Variants in ZPBP observed in about 807,000 individuals in gnomAD.
ZPBP encodes the protein zona pellucida binding protein, also known as zona pellucida-binding protein 1.
Under a neutral mutation model 44.8 loss-of-function variants are expected in ZPBP, and 26 were observed. That is an observed-to-expected ratio of 0.58 (90% CI 0.43 to 0.81). The LOEUF (loss-of-function observed/expected upper bound fraction) is 0.81, where lower values mean the gene tolerates loss of function less well. ZPBP is among the 30% of genes least tolerant of loss of function. The pLI is 0.00. For synonymous variants in ZPBP, 174 were observed against 153.2 expected, an observed-to-expected ratio of 1.14 and a Z score of -1.00; for missense variants, 409 against 434.0, an observed-to-expected ratio of 0.94 and a Z score of 0.51.
intron 4 of ZPBP, among the ~76,000 whole-genome samples, chr7:50,041,547 G>T (rs1410348074): frequency 6.6e-6 from 1 of 152,172 alleles, no homozygotes; most frequent in East Asian, 1.9e-4. Context: ...GCAAACTCCA[G>T]CAGACCTGCA....
downstream of ZPBP, among the ~76,000 whole-genome samples, chr7:49,935,232 G>T (rs1434561294): frequency 6.6e-6 from 1 of 152,092 alleles, no homozygotes; most frequent in Non-Finnish European, 1.5e-5. Context: ...ATGAAGCTAG[G>T]AGTATCCTAG....
At chr7:49,890,555 A>T (rs1177235263) in intron 2 of ZPBP, among the ~76,000 whole-genome samples, 1 of 152,176 alleles carries the variant, frequency 6.6e-6, no homozygotes, top group Non-Finnish European at 1.5e-5. Flanking sequence ...TTTTATAGGG[A>T]TACTTAGGAT....
In ZPBP at chr7:50,057,859, A is replaced by C. The variant is rs148996451; in HGVS notation, c.487+130T>G. 77 of 801,016 alleles carry C rather than the reference A, an allele frequency of 9.6e-5. 2 individuals carry two copies. In the African/African-American group the frequency reaches 1.1e-3, roughly 11 times the overall value. 49.6% of individuals were successfully genotyped at this position (801,016 alleles called of 1,614,324 possible). ...CCCTTTACAAAGTACTTACATAGGG[A>C]GGCAGTAATTCTTTTTTAATTAAAT... On this transcript the variant is annotated intron_variant, in intron 4 of 7. Coordinates refer to ENST00000046087, the MANE Select transcript of ZPBP (RefSeq NM_007009.3).
At chr7:49,860,790 G>A (rs1790618065) in intron 2 of ZPBP, among the ~76,000 whole-genome samples, 1 of 152,118 alleles carries the variant, frequency 6.6e-6, no homozygotes, top group African/African-American at 2.4e-5. Context: ...AATCTAATAG[G>A]GTTGGTCTCC....
intron 2 of ZPBP, among the ~76,000 whole-genome samples, chr7:49,886,784 A>T (rs1376359332): frequency 6.6e-6 from 1 of 152,144 alleles, no homozygotes; most frequent in African/African-American, 2.4e-5. Flanking sequence ...ATTTGTATTT[A>T]TGTTCTTTGA....
intron 2 of ZPBP, among the ~76,000 whole-genome samples, chr7:49,888,446 T>C (rs1562754191): frequency 6.6e-6 from 1 of 152,170 alleles, no homozygotes; most frequent in South Asian, 2.1e-4. Flanking sequence ...ATTAGTAATA[T>C]TGATTTTTTT....
chr7:50,036,246 C>A (rs562185540), intron 4 of ZPBP, among the ~76,000 whole-genome samples: 1 of 152,126 alleles, frequency 6.6e-6, no homozygotes, highest in Non-Finnish European at 1.5e-5. Flanking sequence ...CTCCACCTCC[C>A]GGGTTCAAGC....
rs181764781 is a variant in ZPBP, at chr7:49,878,398, T to G, written n.509+22720A>C. Among the ~76,000 whole-genome samples the G allele has an allele frequency of 1.5e-3, 221 of 152,290 alleles. 1 individual carries two copies. The highest frequency in any genetic ancestry group is 6.8e-4 in the Non-Finnish European group (46 of 68,010). On this transcript the variant is annotated intron_variant and non_coding_transcript_variant, in intron 2 of 2. Transcript: ENST00000465922. ...TGTAGTATTTCCTTTAGTAAAGACC[T>G]GAGAGTGGTGAATTTTCTCAGTACT...
At chr7:50,064,785 G>A (rs901148543) in intron 3 of ZPBP, among the ~76,000 whole-genome samples, 1 of 152,044 alleles carries the variant, frequency 6.6e-6, no homozygotes, top group Non-Finnish European at 1.5e-5. Flanking sequence ...AAACACACAT[G>A]CTGTACAATT....
chr7:49,994,562 A>C (rs566435067), intron 6 of ZPBP, among the ~76,000 whole-genome samples: 19 of 152,330 alleles, frequency 1.2e-4, no homozygotes, highest in South Asian at 1.0e-3. Context: ...AGCTCAGGTC[A>C]CATGGTAACC....
chr7:49,866,937 C>A (rs964747507), intron 2 of ZPBP, among the ~76,000 whole-genome samples: 6 of 152,250 alleles, frequency 3.9e-5, no homozygotes, highest in African/African-American at 1.4e-4. Context: ...TCTGAGGACA[C>A]ACAGACCCAG....
chr7:49,955,890 A>G (rs182295503), intron 7 of ZPBP, among the ~76,000 whole-genome samples: 66 of 152,236 alleles, frequency 4.3e-4, no homozygotes, highest in African/African-American at 1.4e-3. Context: ...AAATAGACAA[A>G]CTCTTGAGGA....
At chr7:49,905,038 T>C (rs887521955) in intron 1 of ZPBP, among the ~76,000 whole-genome samples, 30 of 152,160 alleles carry the variant, frequency 2.0e-4, no homozygotes, top group African/African-American at 7.2e-4. Context: ...CAGGCCATCA[T>C]GTATTAATTC....
chr7:49,989,420 T>C (rs1012503922), intron 6 of ZPBP, among the ~76,000 whole-genome samples: 10 of 152,334 alleles, frequency 6.6e-5, no homozygotes, highest in Non-Finnish European at 1.2e-4. Flanking sequence ...CTATCTGAGA[T>C]TCCTTGTGGA....
chr7:49,856,541 T>C (rs77905121), intron 2 of ZPBP, among the ~76,000 whole-genome samples: 6,791 of 152,302 alleles, frequency 0.045, 149 homozygotes, highest in African/African-American at 0.055. Context: ...CAGCAGGATT[T>C]CCTTTTCCCC....
rs1165922459 is a variant in ZPBP at position 49,937,567 on chromosome 7, G to A, written c.1017C>T (p.Cys339=). The A allele has an allele frequency of 6.2e-7, 1 of 1,613,902 alleles. No homozygotes were observed. The highest frequency in any genetic ancestry group is 8.5e-7 in the Non-Finnish European group (1 of 1,179,868). Residue 339 remains cysteine, a synonymous_variant, in exon 8 of 8, where the codon TGC becomes TGT. Transcript: ENST00000046087. ...TTGCTCCATACACCAGGCTGCTATT[G>A]CATTGAAGGCAATGAATTCCATCAC... ...NPRDGIHCLQ[C]NSSLVYGAKT... is the part of the protein sequence containing the mutation.
intron 2 of ZPBP, among the ~76,000 whole-genome samples, chr7:50,087,707 T>C (rs1239041420): frequency 6.6e-6 from 1 of 151,720 alleles, no homozygotes. Flanking sequence ...TATTTAGGAG[T>C]AAATTTAACA....
At chr7:50,092,954 G>C in intron 1 of ZPBP, 114 bp downstream of exon 1, 2 of 1,415,002 alleles carry the variant, frequency 1.4e-6, no homozygotes, top group Non-Finnish European at 1.9e-6. Flanking sequence ...ACGTATTAGT[G>C]AGCAAGGTGT....
chr7:50,011,909 G>A (rs773639165), intron 6 of ZPBP, among the ~76,000 whole-genome samples: 2 of 151,806 alleles, frequency 1.3e-5, no homozygotes, highest in Non-Finnish European at 2.9e-5. Flanking sequence ...AATTGGCCGG[G>A]CATGGTGGTG....
Sources: allele counts gnomAD v4.1 joint callset (sites outside exome capture counted in the v4.1 genomes callset), GRCh38; gene constraint gnomAD v4.1.1; transcripts MANE v1.5; gene names NCBI Gene and HGNC (gene_info 2026-07-23, HGNC 2026-07-21).